Variants in NRCAM observed in about 807,000 individuals in gnomAD.
The protein encoded by NRCAM is NgCAM-related cell adhesion molecule.
Under a neutral mutation model 156.5 loss-of-function variants are expected in NRCAM, and 83 were observed. That is an observed-to-expected ratio of 0.53 (90% CI 0.44 to 0.64). NRCAM has a LOEUF of 0.64. Among genes scored for constraint, NRCAM ranks in the 30% least tolerant of loss-of-function variants. The pLI, the probability that NRCAM is intolerant of heterozygous loss-of-function variation, is 0.00. For synonymous variants in NRCAM, 538 were observed against 563.9 expected (o/e 0.95, Z 0.65); for missense variants, 1,417 against 1,597.3 (o/e 0.89, Z 1.92).
At chr7:108,301,872 A>C (rs2098625636) in intron 3 of NRCAM, among the ~76,000 whole-genome samples, 1 of 152,174 alleles carries the variant, frequency 6.6e-6, no homozygotes, top group South Asian at 2.1e-4. Context: ...AGGCCAATAC[A>C]TCACTTTAGG....
chr7:108,250,425 C>CAAAAAAAAAAAAAA (rs34274206), intron 3 of NRCAM, among the ~76,000 whole-genome samples: 1 of 67,402 alleles, frequency 1.5e-5, no homozygotes, highest in East Asian at 6.0e-4. Context: ...CATCTTACCT[C>CAAAAAAAAAAAAAA]AAAAAAAAAA....
intron 2 of NRCAM, among the ~76,000 whole-genome samples, chr7:108,371,085 T>C (rs2099625519): frequency 6.6e-6 from 1 of 152,140 alleles, no homozygotes; most frequent in Admixed American, 6.6e-5. Context: ...TTTCTTCAGA[T>C]GAAAAACAAA....
chr7:108,226,364 G>A lies in NRCAM; in HGVS notation c.565C>T (p.Pro189Ser), dbSNP rs765264356. 1 of 1,612,094 alleles carries A rather than the reference G, an allele frequency of 6.2e-7. No homozygotes were observed. Among genetic ancestry groups the A allele is most frequent in the Non-Finnish European group, 8.5e-7 (1 of 1,178,946 alleles). The change falls in exon 9 of 33, where the codon CCA (proline) becomes TCA (serine). Residue 189 changes from proline to serine, a missense_variant. This residue lies in a region of NRCAM where 1,238 missense variants were observed against 1,336.4 expected (regional missense o/e 0.93). Coordinates refer to ENST00000379028, the MANE Select transcript of NRCAM (RefSeq NM_001037132.4). The part of the protein sequence containing the change: ...FWMDNSFQRL[P>S]QSERVSQGLN... ...CCTTGAGAAACTCTCTCACTTTGTG[G>A]AAGTCTTTGAAAGGCTGGAGAAAGG...
chr7:108,400,209 A>G (rs565042620), intron 1 of NRCAM, among the ~76,000 whole-genome samples: 1 of 152,240 alleles, frequency 6.6e-6, no homozygotes, highest in Non-Finnish European at 1.5e-5. Flanking sequence ...ACCTTAATTA[A>G]ACAGAAGCCA....
chr7:108,422,027 TG>T (rs1022918722), intron 1 of NRCAM, among the ~76,000 whole-genome samples: 12 of 152,320 alleles, frequency 7.9e-5, no homozygotes, highest in East Asian at 5.8e-4. Context: ...ACAGGTCTAT[TG>T]GAAGTGGGGA....
At chr7:108,444,945 A>G (rs932413723) in intron 1 of NRCAM, among the ~76,000 whole-genome samples, 4 of 152,216 alleles carry the variant, frequency 2.6e-5, no homozygotes, top group African/African-American at 9.6e-5. Flanking sequence ...GTGCAGAGGA[A>G]CAGAATAAAT....
intron 2 of NRCAM, among the ~76,000 whole-genome samples, chr7:108,355,300 G>A (rs1170624619): frequency 1.3e-5 from 2 of 152,180 alleles, no homozygotes; most frequent in Non-Finnish European, 2.9e-5. Flanking sequence ...TGTTATCCCT[G>A]GTGAGGAGCA....
intron 11 of NRCAM, among the ~76,000 whole-genome samples, chr7:108,213,074 G>T (rs573422219): frequency 2.2e-4 from 33 of 152,274 alleles, no homozygotes; most frequent in African/African-American, 7.9e-4. Flanking sequence ...AGCTAGAAGG[G>T]ATTGGGGCCC....
chr7:108,338,027 C>T (rs1010667340), intron 2 of NRCAM, among the ~76,000 whole-genome samples: 1 of 152,114 alleles, frequency 6.6e-6, no homozygotes, highest in Non-Finnish European at 1.5e-5. Flanking sequence ...TTTCTAACAA[C>T]CCCCAACCCT....
chr7:108,443,178 C>CTT (rs35882909), intron 1 of NRCAM, among the ~76,000 whole-genome samples: 12 of 149,630 alleles, frequency 8.0e-5, no homozygotes, highest in Non-Finnish European at 1.3e-4. Flanking sequence ...ACAATTAGAC[C>CTT]TTTTTTTTTT....
At position 108,414,691 on chromosome 7, in the gene NRCAM, A is replaced by G. The variant is rs184352390; in HGVS notation, c.-331-15098T>C. Among the ~76,000 whole-genome samples the G allele has an allele frequency of 1.5e-3, 229 of 152,352 alleles. 1 individual carries two copies. The highest frequency in any genetic ancestry group is 5.3e-3 in the African/African-American group (220 of 41,584). ...TACCACTCAGTGTACAGGGCCCAGA[A>G]TAAAACAAAAAGTATTCACAGAGAA... is the stretch of plus-strand genomic sequence containing the variant. On this transcript the variant is annotated intron_variant, in intron 1 of 32. Transcript: ENST00000379028.
intron 3 of NRCAM, among the ~76,000 whole-genome samples, chr7:108,302,437 G>C (rs902522401): frequency 6.6e-6 from 1 of 151,928 alleles, no homozygotes. Context: ...TAAATCTCAG[G>C]ACAAACTGGG....
intron 1 of NRCAM, among the ~76,000 whole-genome samples, chr7:108,418,029 A>G (rs759097742): frequency 6.6e-5 from 10 of 152,168 alleles, no homozygotes; most frequent in African/African-American, 1.2e-4. Flanking sequence ...AGAAGAATAA[A>G]AGCATGGAGC....
intron 1 of NRCAM, among the ~76,000 whole-genome samples, chr7:108,404,163 C>A (rs966376448): frequency 3.9e-5 from 6 of 152,266 alleles, no homozygotes; most frequent in Non-Finnish European, 1.5e-5. Flanking sequence ...AGAGGGAGAG[C>A]CCGATGCACG....
chr7:108,402,300 G>A (rs977727638), intron 1 of NRCAM, among the ~76,000 whole-genome samples: 1 of 152,078 alleles, frequency 6.6e-6, no homozygotes, highest in African/African-American at 2.4e-5. Context: ...TATTTGTACA[G>A]CATTGTTATT....
At chr7:108,205,594 G>C (rs2080691296) in intron 13 of NRCAM, among the ~76,000 whole-genome samples, 1 of 152,142 alleles carries the variant, frequency 6.6e-6, no homozygotes, top group Admixed American at 6.5e-5. Flanking sequence ...CCACTTGTCA[G>C]TTTCACTGAG....
chr7:108,226,294 G>T lies in NRCAM; in HGVS notation c.635C>A (p.Thr212Asn), dbSNP rs757712350. 1 of 1,601,770 alleles carries T rather than the reference G, an allele frequency of 6.2e-7. No homozygotes were observed. Among genetic ancestry groups the T allele is most frequent in the African/African-American group, 1.3e-5 (1 of 74,758 alleles). The change falls in exon 9 of 33, where the codon ACC becomes AAC. Residue 212 changes from threonine (T) to asparagine (N), a missense_variant. Transcript: ENST00000379028. ...AGCATAACAGATATAGTCTTCGCGGGTGTCCTCTGGGAGGACATTGGAAAA... is the reference window on the plus strand; with the variant it reads ...AGCATAACAGATATAGTCTTCGCGGTTGTCCTCTGGGAGGACATTGGAAAA... Reference protein sequence around the residue: ...LYFSNVLPEDTREDYICYARF... With the variant: ...LYFSNVLPEDNREDYICYARF...
intron 9 of NRCAM, among the ~76,000 whole-genome samples, chr7:108,225,905 C>T (rs1465084582): frequency 6.6e-6 from 1 of 152,230 alleles, no homozygotes; most frequent in East Asian, 1.9e-4. Context: ...TTAACTTAAG[C>T]TGCAGGACCG....
intron 1 of NRCAM, among the ~76,000 whole-genome samples, chr7:108,449,069 T>C (rs1353321327): frequency 6.6e-6 from 1 of 152,222 alleles, no homozygotes; most frequent in East Asian, 1.9e-4. Flanking sequence ...CTCCCCTTAA[T>C]TCACACAGTC....
Sources: gnomAD v4.1 joint callset for allele counts (sites outside exome capture counted in the v4.1 genomes callset) on GRCh38, gnomAD v4.1.1 for gene constraint, gnomAD v4.1.1 regional missense constraint, MANE v1.5 for transcripts, NCBI Gene and HGNC (gene_info 2026-07-23, HGNC 2026-07-21) for gene names.